CELF2: variants seen among roughly 807,000 people sequenced by gnomAD.
CELF2 encodes the protein CUGBP Elav-like family member 2.
Under a neutral mutation model 62.6 loss-of-function variants are expected in CELF2, and 8 were observed. The observed-to-expected ratio is 0.13, with a 90% CI of 0.07 to 0.23. The LOEUF (loss-of-function observed/expected upper bound fraction) is 0.23, where lower values mean the gene tolerates loss of function less well. Among genes scored for constraint, CELF2 ranks in the 10% least tolerant of loss-of-function variants. The probability of loss-of-function intolerance (pLI) is 1.00; values close to 1 mark genes in which losing one functional copy is unlikely to be tolerated. For missense variants in CELF2, 333 were observed against 671.0 expected (o/e 0.50, Z 5.56); for synonymous variants, 258 against 250.0 (o/e 1.03, Z -0.30).
intron 1 of CELF2, among the ~76,000 whole-genome samples, chr10:10,824,816 G>C (rs1015634477): frequency 1.3e-5 from 2 of 152,178 alleles, no homozygotes; most frequent in African/African-American, 4.8e-5. Context: ...TTAAGTTGAA[G>C]CTTTCAATTC....
Position 11,270,005 on chromosome 10 carries a change from G to A in CELF2, c.619-661G>A, listed in dbSNP as rs1044585743. Among the ~76,000 whole-genome samples, 35 of 152,182 alleles carry A rather than the reference G, an allele frequency of 2.3e-4. No individual in the cohort carries two copies. Among genetic ancestry groups the A allele is most frequent in the East Asian group, 7.7e-4 (4 of 5,198 alleles). The stretch of plus-strand genomic sequence containing the variant: ...GGTTTGCACCAGCTCCAGGGATGGC[G>A]GGTAGCACAGGTGTGCTGAGGGAAG... On this transcript the variant is annotated intron_variant, in intron 6 of 12. Transcript: ENST00000633077. This position sits in a 1 kb window ranked among gnomAD's most constrained non-coding sequence, Gnocchi z 5.8.
chr10:10,723,538 C>T, the CELF2 span, among the ~76,000 whole-genome samples: 1 of 152,176 alleles, frequency 6.6e-6, no homozygotes, highest in Non-Finnish European at 1.5e-5. Context: ...TAGCTTTTGC[C>T]TTAAAATGTG....
Position 11,285,351 on chromosome 10 carries a change from G to T in CELF2, c.842-3067G>T, listed in dbSNP as rs997421879. On this transcript the variant is annotated intron_variant, in intron 8 of 12. Transcript: ENST00000633077. The surrounding 1 kb of genome is among the most constrained non-coding windows in gnomAD (Gnocchi z 4.3). The stretch of plus-strand genomic sequence containing the variant: ...CTGGCTGTTGAGCAGTGTTAGCTAT[G>T]CCCCCGTGTGGTGCCTCAGAGACTC... 1.3e-5 allele frequency among the ~76,000 whole-genome samples: 2 copies of T among 152,072 alleles called. No individual in the cohort carries two copies. The highest frequency in any genetic ancestry group is 4.8e-5 in the African/African-American group (2 of 41,360).
At chr10:10,776,440 T>A in the CELF2 span, 1 of 154,520 alleles carries the variant, frequency 6.5e-6, no homozygotes. Flanking sequence ...ATCCTTGCTT[T>A]ACCCTGGTCA....
In CELF2 at chr10:11,269,098, A is replaced by T. The variant is rs1200314199; in HGVS notation, c.619-1568A>T. 2.6e-5 allele frequency among the ~76,000 whole-genome samples: 4 copies of T among 152,132 alleles called. No homozygotes were observed. The highest frequency in any genetic ancestry group is 5.9e-5 in the Non-Finnish European group (4 of 68,032). On this transcript the variant is annotated intron_variant, in intron 6 of 12. Transcript: ENST00000633077. The surrounding 1 kb of genome is among the most constrained non-coding windows in gnomAD (Gnocchi z 4.4). ...GAACAAATTTGATGGAACAATGACA[A>T]CCCTTTTCCATGCAAAACCCCCTCT...
At chr10:10,952,223 C>G (rs1424980765) in intron 2 of CELF2, 1 of 152,200 alleles carries the variant, frequency 6.6e-6, no homozygotes, top group African/African-American at 2.4e-5. Flanking sequence ...AAGAAAATAA[C>G]CACGTCACAA....
At chr10:10,509,162 T>C in the CELF2 span, among the ~76,000 whole-genome samples, 1 of 152,174 alleles carries the variant, frequency 6.6e-6, no homozygotes, top group African/African-American at 2.4e-5. Context: ...ATGCTGAATT[T>C]TCCTTCAGGT....
At chr10:10,950,751 T>C (rs2048229112) in intron 2 of CELF2, among the ~76,000 whole-genome samples, 1 of 152,218 alleles carries the variant, frequency 6.6e-6, no homozygotes, top group South Asian at 2.1e-4. Flanking sequence ...GTACAAAATA[T>C]GAAAGTTCAG....
the CELF2 span, among the ~76,000 whole-genome samples, chr10:10,653,236 A>G: frequency 5.5e-4 from 83 of 152,242 alleles, no homozygotes; most frequent in Non-Finnish European, 9.0e-4. Flanking sequence ...AGTGACCTAC[A>G]AAGAGACTTA....
intron 2 of CELF2, among the ~76,000 whole-genome samples, chr10:10,968,545 G>A (rs1037049910): frequency 4.6e-5 from 7 of 152,190 alleles, no homozygotes; most frequent in Non-Finnish European, 8.8e-5. Context: ...TGAAGTGGGA[G>A]TGTACAGGGA....
chr10:10,731,568 T>G, the CELF2 span, among the ~76,000 whole-genome samples: 6 of 152,220 alleles, frequency 3.9e-5, no homozygotes, highest in African/African-American at 1.4e-4. Context: ...AAACTGGTAT[T>G]TTTAAATGCA....
At chr10:10,840,279 C>A (rs2058591827) in intron 1 of CELF2, among the ~76,000 whole-genome samples, 1 of 152,222 alleles carries the variant, frequency 6.6e-6, no homozygotes, top group Non-Finnish European at 1.5e-5. Context: ...TTGTGAGAAA[C>A]TGGCAAACTG....
At position 11,220,298 on chromosome 10, in the gene CELF2, C is replaced by A. The variant is rs958267621; in HGVS notation, c.354+2791C>A. Among the ~76,000 whole-genome samples the A allele has an allele frequency of 6.6e-6, 1 of 152,134 alleles. No homozygotes were observed. Among genetic ancestry groups the A allele is most frequent in the Non-Finnish European group, 1.5e-5 (1 of 68,024 alleles). ...TGTTTCATAAGGAACTTTTATTATG[C>A]GGCCAAGCTTGATTGATGTTTGGAG... On this transcript the variant is annotated intron_variant, in intron 3 of 12. Coordinates refer to ENST00000633077, the MANE Select transcript of CELF2 (RefSeq NM_001326342.2). The surrounding 1 kb of genome is among the most constrained non-coding windows in gnomAD (Gnocchi z 4.4).
At chr10:11,070,133 A>G (rs2069408916) in intron 1 of CELF2, among the ~76,000 whole-genome samples, 2 of 152,108 alleles carry the variant, frequency 1.3e-5, no homozygotes, top group Middle Eastern at 3.2e-3. Flanking sequence ...AAGTAAAAAA[A>G]TAAAAGAGGT....
the CELF2 span, among the ~76,000 whole-genome samples, chr10:10,486,500 A>T: frequency 6.6e-6 from 1 of 152,196 alleles, no homozygotes; most frequent in Non-Finnish European, 1.5e-5. Flanking sequence ...ATTATACAGC[A>T]GGTTGAGTAT....
chr10:10,552,624 G>A, the CELF2 span, among the ~76,000 whole-genome samples: 1 of 152,162 alleles, frequency 6.6e-6, no homozygotes, highest in Non-Finnish European at 1.5e-5. Context: ...GTGGGGGGCG[G>A]TGTGAAACAG....
intron 2 of CELF2, among the ~76,000 whole-genome samples, chr10:10,943,928 GA>G (rs2047349021): frequency 6.6e-6 from 1 of 152,212 alleles, no homozygotes; most frequent in East Asian, 1.9e-4. Context: ...ATATGACTCT[GA>G]AACTTGACCA....
chr10:10,625,249 C>T, the CELF2 span, among the ~76,000 whole-genome samples: 1 of 152,142 alleles, frequency 6.6e-6, no homozygotes, highest in Non-Finnish European at 1.5e-5. Context: ...AATCCACTTG[C>T]TATATTATCT....
At chr10:10,775,113 G>A in the CELF2 span, among the ~76,000 whole-genome samples, 1 of 152,100 alleles carries the variant, frequency 6.6e-6, no homozygotes, top group South Asian at 2.1e-4. Flanking sequence ...CTGATCTCAG[G>A]TGATCCACCG....
Sources: gnomAD v4.1 joint callset for allele counts (sites outside exome capture counted in the v4.1 genomes callset) on GRCh38, gnomAD v4.1.1 for gene constraint, Gnocchi (gnomAD v3.1) non-coding constraint, MANE v1.5 for transcripts, NCBI Gene and HGNC (gene_info 2026-07-23, HGNC 2026-07-21) for gene names.